The following GPC5 variants were observed in gnomAD, a reference collection of about 807,000 sequenced individuals.
The protein encoded by GPC5 is glypican 5, also known as glypican-5.
A neutral mutation model predicts 53.9 loss-of-function variants in GPC5; 47 were observed. That is an observed-to-expected ratio of 0.87 (90% CI 0.69 to 1.11). GPC5 has a LOEUF of 1.11. GPC5 is among the 50% of genes most tolerant of loss of function. The probability of loss-of-function intolerance (pLI) is 0.00; values close to 1 mark genes in which losing one functional copy is unlikely to be tolerated. For missense variants in GPC5, 748 were observed against 713.1 expected (o/e 1.05, Z -0.56); for synonymous variants, 286 against 263.3 (o/e 1.09, Z -0.84).
In GPC5 at chr13:92,036,589, A is replaced by C. The variant is rs142138576; in HGVS notation, c.1402-108241A>C. Among the ~76,000 whole-genome samples the C allele has an allele frequency of 4.6e-3, 703 of 152,290 alleles. 8 individuals carry two copies. Among genetic ancestry groups the C allele is most frequent in the African/African-American group, 0.016 (667 of 41,564 alleles). ...TGCTGTGAAATAGATTTTGCTTCAA[A>C]CTTTATTTTGTTCTCCACACTTAAT... On this transcript the variant is annotated intron_variant, in intron 6 of 7. Transcript: ENST00000377067.
intron 7 of GPC5, among the ~76,000 whole-genome samples, chr13:92,376,135 T>C (rs2043692099): frequency 6.6e-6 from 1 of 152,222 alleles, no homozygotes; most frequent in African/African-American, 2.4e-5. Flanking sequence ...GCTCTGTCTA[T>C]GGAGTACTAG....
At chr13:92,088,101 T>G (rs1315040930) in intron 6 of GPC5, among the ~76,000 whole-genome samples, 1 of 152,048 alleles carries the variant, frequency 6.6e-6, no homozygotes, top group African/African-American at 2.4e-5. Context: ...CCTTTTCTAA[T>G]TCTCTTCTTT....
At chr13:91,987,905 TC>T (rs1274000567) in intron 6 of GPC5, among the ~76,000 whole-genome samples, 1 of 145,622 alleles carries the variant, frequency 6.9e-6, no homozygotes, top group Non-Finnish European at 1.5e-5. Flanking sequence ...TTATATATAA[TC>T]ATACGATGTA....
chr13:92,204,854 T>C (rs1274957292), intron 7 of GPC5, among the ~76,000 whole-genome samples: 1 of 152,032 alleles, frequency 6.6e-6, no homozygotes, highest in Non-Finnish European at 1.5e-5. Flanking sequence ...ACCTAGAGGT[T>C]TTTTTGTTTG....
At chr13:91,893,684 C>G (rs1014452804) in intron 5 of GPC5, among the ~76,000 whole-genome samples, 3 of 152,084 alleles carry the variant, frequency 2.0e-5, no homozygotes, top group African/African-American at 7.2e-5. Flanking sequence ...TCTATGACCC[C>G]TATAGATAGT....
At chr13:92,301,887 G>T (rs1002140942) in intron 7 of GPC5, among the ~76,000 whole-genome samples, 1 of 152,034 alleles carries the variant, frequency 6.6e-6, no homozygotes, top group Non-Finnish European at 1.5e-5. Flanking sequence ...AACAGAGCAA[G>T]ACTGTCTCAA....
chr13:91,914,225 C>G (rs2039637289), intron 6 of GPC5, among the ~76,000 whole-genome samples: 1 of 152,002 alleles, frequency 6.6e-6, no homozygotes, highest in African/African-American at 2.4e-5. Context: ...TTATAATGCC[C>G]CATTGCTTAG....
At chr13:92,582,942 G>A (rs1369318398) in intron 7 of GPC5, among the ~76,000 whole-genome samples, 2 of 152,068 alleles carry the variant, frequency 1.3e-5, no homozygotes, top group Non-Finnish European at 2.9e-5. Context: ...AAGCAATGAT[G>A]ATTTAACTAT....
chr13:91,926,687 A>G (rs2039772154), intron 6 of GPC5, among the ~76,000 whole-genome samples: 1 of 152,202 alleles, frequency 6.6e-6, no homozygotes, highest in Non-Finnish European at 1.5e-5. Flanking sequence ...GATCGAAGTC[A>G]AGGAGTGGGG....
chr13:92,758,190 G>C (rs2139335589), intron 7 of GPC5, among the ~76,000 whole-genome samples: 1 of 149,800 alleles, frequency 6.7e-6, no homozygotes, highest in East Asian at 2.0e-4. Context: ...TAGGGACATG[G>C]ATGAAATTGG....
chr13:92,292,452 C>T (rs1471602843), intron 7 of GPC5, among the ~76,000 whole-genome samples: 1 of 152,054 alleles, frequency 6.6e-6, no homozygotes, highest in Non-Finnish European at 1.5e-5. Context: ...TTTTTTCTTA[C>T]ATTTGTTGGC....
At chr13:92,265,886 G>A (rs540669940) in intron 7 of GPC5, among the ~76,000 whole-genome samples, 5 of 152,280 alleles carry the variant, frequency 3.3e-5, no homozygotes, top group Admixed American at 1.3e-4. Flanking sequence ...CAAGATCAAG[G>A]GGCCAGCACC....
At chr13:92,584,070 G>A (rs749704716) in intron 7 of GPC5, among the ~76,000 whole-genome samples, 26 of 152,168 alleles carry the variant, frequency 1.7e-4, no homozygotes, top group Non-Finnish European at 3.1e-4. Flanking sequence ...TATCAGCAGC[G>A]TGAAAAGGGA....
At chr13:92,653,505 C>G (rs1886026808) in intron 7 of GPC5, among the ~76,000 whole-genome samples, 1 of 152,072 alleles carries the variant, frequency 6.6e-6, no homozygotes, top group East Asian at 1.9e-4. Context: ...CCTTTCTAAC[C>G]CCATGCATCA....
intron 7 of GPC5, among the ~76,000 whole-genome samples, chr13:92,856,062 A>G (rs1878987288): frequency 6.6e-6 from 1 of 152,064 alleles, no homozygotes; most frequent in African/African-American, 2.4e-5. Flanking sequence ...ATAAAATAAG[A>G]AAACAGCAGG....
At chr13:92,864,135 G>A (rs1450450196) in intron 7 of GPC5, among the ~76,000 whole-genome samples, 1 of 152,102 alleles carries the variant, frequency 6.6e-6, no homozygotes, top group Non-Finnish European at 1.5e-5. Context: ...GCATGCTAAT[G>A]TCTTTTTACA....
At chr13:92,056,022 C>A in intron 6 of GPC5, among the ~76,000 whole-genome samples, 1 of 152,174 alleles carries the variant, frequency 6.6e-6, no homozygotes, top group Middle Eastern at 3.4e-3. Flanking sequence ...TAATCATAAA[C>A]TTCTTTTAAA....
At chr13:91,909,360 T>C (rs2039587673) in intron 6 of GPC5, among the ~76,000 whole-genome samples, 1 of 152,168 alleles carries the variant, frequency 6.6e-6, no homozygotes, top group Admixed American at 6.6e-5. Flanking sequence ...AGCTTTAATA[T>C]TAATCAGCTC....
chr13:92,008,186 C>T (rs1273198069), intron 6 of GPC5, among the ~76,000 whole-genome samples: 1 of 151,778 alleles, frequency 6.6e-6, no homozygotes, highest in Non-Finnish European at 1.5e-5. Context: ...CTTCAGCCTC[C>T]TGAGTAGCTG....
Sources: gnomAD v4.1 joint callset for allele counts (sites outside exome capture counted in the v4.1 genomes callset) on GRCh38, gnomAD v4.1.1 for gene constraint, MANE v1.5 for transcripts, NCBI Gene and HGNC (gene_info 2026-07-23, HGNC 2026-07-21) for gene names.